The following CLASP1 variants were observed in gnomAD, a reference collection of about 807,000 sequenced individuals.
CLASP1 encodes the protein CLIP-associating protein 1.
Under a neutral mutation model 192.3 loss-of-function variants are expected in CLASP1, and 38 were observed. That is an observed-to-expected ratio of 0.20 (90% CI 0.15 to 0.26). The LOEUF (loss-of-function observed/expected upper bound fraction) is 0.26, where lower values mean the gene tolerates loss of function less well. Ranked by LOEUF, CLASP1 falls within the 10% of genes least tolerant of loss-of-function variation. The pLI is 1.00. For missense variants in CLASP1, 1,433 were observed against 1,932.5 expected (o/e 0.74, Z 4.85); for synonymous variants, 691 against 712.8 (o/e 0.97, Z 0.49).
rs115418174 is a variant in CLASP1, at chr2:121,344,776, A to G, written c.4530+2262T>C. On this transcript the variant is annotated intron_variant, in intron 39 of 39. Coordinates refer to ENST00000263710, the Ensembl canonical transcript of CLASP1. ...CACCAGGTTCTGCCTGCCAGCTACC[A>G]TCTGGTTGAGGAAGGGAGGGAGTTT... Among the ~76,000 whole-genome samples the G allele has an allele frequency of 4.9e-3, 748 of 152,290 alleles. 9 individuals are homozygous for G. The highest frequency in any genetic ancestry group is 0.017 in the African/African-American group (725 of 41,566).
chr2:121,384,285 C>T (rs2072677392), intron 32 of CLASP1, among the ~76,000 whole-genome samples: 1 of 151,940 alleles, frequency 6.6e-6, no homozygotes, highest in Non-Finnish European at 1.5e-5. Flanking sequence ...ATGTCCTGCG[C>T]TCAAGCAATC....
intron 1 of CLASP1, among the ~76,000 whole-genome samples, chr2:121,612,187 G>A (rs2065706800): frequency 6.6e-6 from 1 of 151,282 alleles, no homozygotes; most frequent in Non-Finnish European, 1.5e-5. Context: ...AGAGGATGAG[G>A]AGGAGGAGTT....
intron 2 of CLASP1, among the ~76,000 whole-genome samples, chr2:121,604,558 C>T (rs2064183855): frequency 6.6e-6 from 1 of 152,072 alleles, no homozygotes; most frequent in Admixed American, 6.5e-5. Context: ...GTCCCAGCTA[C>T]TTGAGAGGCT....
intron 11 of CLASP1, 54 bp from the exon 12 acceptor site, chr2:121,460,179 T>C: frequency 1.4e-6 from 2 of 1,411,398 alleles, no homozygotes; most frequent in South Asian, 1.4e-5. Flanking sequence ...ACACAGACTA[T>C]ACACAACAAA....
intron 25 of CLASP1, among the ~76,000 whole-genome samples, chr2:121,405,424 A>C (rs1255948602): frequency 1.3e-5 from 2 of 152,206 alleles, no homozygotes; most frequent in Non-Finnish European, 2.9e-5. Flanking sequence ...TTAAAAGATA[A>C]AACATTGTAC....
chr2:121,400,533 C>T (rs2076009453), intron 28 of CLASP1, among the ~76,000 whole-genome samples: 1 of 152,168 alleles, frequency 6.6e-6, no homozygotes, highest in African/African-American at 2.4e-5. Context: ...CCCCCTGCCC[C>T]CACAGGAGGT....
At chr2:121,428,084 T>C (rs981540379) in intron 20 of CLASP1, among the ~76,000 whole-genome samples, 1 of 152,220 alleles carries the variant, frequency 6.6e-6, no homozygotes, top group Non-Finnish European at 1.5e-5. Flanking sequence ...GTGAGTGAAG[T>C]AAAACTAAGG....
rs182507615 is a variant in CLASP1, at chr2:121,576,022, T to C, written c.195+29679A>G. On this transcript the variant is annotated intron_variant, in intron 2 of 39. Coordinates refer to ENST00000263710, the Ensembl canonical transcript of CLASP1. ...ATCCCTGACGGATAGGCCTCTATAA[T>C]AGCAAGGTATTACACAACCTGGCCT... is the stretch of plus-strand genomic sequence containing the variant. Among the ~76,000 whole-genome samples the C allele has an allele frequency of 1.2e-4, 18 of 152,312 alleles. 1 individual carries two copies. The highest frequency in any genetic ancestry group is 9.1e-4 in the Admixed American group (14 of 15,302).
chr2:121,646,933 G>A (rs1041073022), intron 1 of CLASP1, among the ~76,000 whole-genome samples: 8 of 151,510 alleles, frequency 5.3e-5, no homozygotes, highest in South Asian at 2.1e-4. Flanking sequence ...CCAGCTACTC[G>A]GGAGGCTGAG....
chr2:121,508,317 A>C (rs1246757062), intron 7 of CLASP1, among the ~76,000 whole-genome samples: 1 of 152,224 alleles, frequency 6.6e-6, no homozygotes, highest in African/African-American at 2.4e-5. Context: ...TTTAAAGTTA[A>C]GATGTTAATT....
chr2:121,628,495 G>A (rs2068808571), intron 1 of CLASP1, among the ~76,000 whole-genome samples: 1 of 151,904 alleles, frequency 6.6e-6, no homozygotes. Context: ...TGCCAACATG[G>A]TGAAACCCCA....
intron 26 of CLASP1, chr2:121,402,798 T>C (rs1433885111): frequency 1.5e-5 from 6 of 392,026 alleles, no homozygotes; most frequent in South Asian, 5.9e-5. Context: ...AGAAAAATCT[T>C]GATAAATTTT....
At chr2:121,515,147 A>T (rs762127918) in intron 7 of CLASP1, among the ~76,000 whole-genome samples, 8 of 152,206 alleles carry the variant, frequency 5.3e-5, no homozygotes. Flanking sequence ...GTGGACTCCA[A>T]TTGTCTTGGG....
intron 33 of CLASP1, among the ~76,000 whole-genome samples, chr2:121,381,974 A>G (rs1286527451): frequency 6.6e-6 from 1 of 152,124 alleles, no homozygotes; most frequent in Admixed American, 6.5e-5. Context: ...GATGAATCTG[A>G]TCAGCTTATA....
rs576572824 is a variant in CLASP1, at chr2:121,411,084, C to G, written c.2321-115G>C. 7 of 635,690 alleles carry G rather than the reference C, an allele frequency of 1.1e-5. No homozygotes were observed. In the East Asian group the frequency reaches 1.1e-4, roughly 10 times the overall value. The allele number at this position is 635,690 out of a possible 1,614,324, so 39.4% of individuals were successfully genotyped here. A position where few individuals can be genotyped will look rare whatever the true frequency, so the allele number is the denominator to read the frequency against. On this transcript the variant is annotated intron_variant, in intron 23 of 39. Transcript: ENST00000263710. Reference sequence around the variant, plus strand: ...GACAGAAGTACTGAAAAGTCTCTAGCCAATTTTAACTACACTTGACTTGTT... The same window carrying G: ...GACAGAAGTACTGAAAAGTCTCTAGGCAATTTTAACTACACTTGACTTGTT...
chr2:121,631,388 A>T (rs2106231553), intron 1 of CLASP1, among the ~76,000 whole-genome samples: 1 of 149,910 alleles, frequency 6.7e-6, no homozygotes. Context: ...CCTAGATTCA[A>T]GCAATTCTCC....
At chr2:121,546,668 A>T (rs1170086500) in intron 2 of CLASP1, among the ~76,000 whole-genome samples, 1 of 152,134 alleles carries the variant, frequency 6.6e-6, no homozygotes, top group Non-Finnish European at 1.5e-5. Flanking sequence ...ACACAGAGCT[A>T]CATGGAATCT....
At chr2:121,609,727 G>A (rs957798022) in intron 1 of CLASP1, among the ~76,000 whole-genome samples, 2 of 152,200 alleles carry the variant, frequency 1.3e-5, no homozygotes, top group East Asian at 1.9e-4. Flanking sequence ...CGGATCATGA[G>A]GTCAGGAGAT....
chr2:121,644,480 G>A (rs529385314), intron 1 of CLASP1, among the ~76,000 whole-genome samples: 11 of 152,088 alleles, frequency 7.2e-5, no homozygotes, highest in African/African-American at 2.2e-4. Flanking sequence ...GTAAAACCCC[G>A]TCTCTACTAG....
Sources: gnomAD v4.1 joint callset for allele counts (sites outside exome capture counted in the v4.1 genomes callset) on GRCh38, gnomAD v4.1.1 for gene constraint, MANE v1.5 for transcripts, NCBI Gene and HGNC (gene_info 2026-07-23, HGNC 2026-07-21) for gene names.